HUWE1: variants seen among roughly 807,000 people sequenced by gnomAD.
The protein encoded by HUWE1 is E3 ubiquitin-protein ligase HUWE1.
A neutral mutation model predicts 299.4 loss-of-function variants in HUWE1; 18 were observed. The ratio of observed to expected loss-of-function variants is 0.06; its 90% CI spans 0.04 to 0.09. The LOEUF (loss-of-function observed/expected upper bound fraction) is 0.09. Ranked by LOEUF, HUWE1 falls within the 10% of genes least tolerant of loss-of-function variation. The probability of loss-of-function intolerance (pLI) is 1.00; values close to 1 mark genes in which losing one functional copy is unlikely to be tolerated. For missense variants in HUWE1, 1,832 were observed against 3,462.3 expected, an observed-to-expected ratio of 0.53 and a Z score of 11.82; for synonymous variants, 1,317 against 1,286.1, an observed-to-expected ratio of 1.02 and a Z score of -0.51.
chrX:53,613,368 T>C (rs2065609916), intron 23 of HUWE1, among the ~76,000 whole-genome samples: 1 of 111,684 alleles, frequency 9.0e-6, no homozygotes, highest in Non-Finnish European at 1.9e-5. Context: ...CCACCTTAAA[T>C]TTTAAGTCCC....
chrX:53,535,181 C>T lies in HUWE1; in HGVS notation c.12649+203G>A, dbSNP rs782464701. 1.7e-4 allele frequency among the ~76,000 whole-genome samples: 19 copies of T among 111,405 alleles called. No individual in the cohort carries two copies. The East Asian group carries it at 4.8e-3, about 28-fold the overall frequency. ...AACTCCTCACCTCAACTGATCCGCC[C>T]ACCTTGGCCTCCCAAAGTGCTGGGA... On this transcript the variant is annotated intron_variant, in intron 81 of 83. Coordinates refer to ENST00000262854, the MANE Select transcript of HUWE1 (RefSeq NM_031407.7).
rs782796422 is a variant in HUWE1, at chrX:53,554,745, C to G, written c.8382G>C (p.Gly2794=). The change falls in exon 61 of 84, where the codon GGG becomes GGC. Residue 2794 remains glycine, a synonymous_variant. Coordinates refer to ENST00000262854, the MANE Select transcript of HUWE1 (RefSeq NM_031407.7). ...GCATCAATAGCTGTGTAGAGCTGCCCCCTTCTCCAGCTGGAGACTGCAGCT... is the reference window on the plus strand; with the variant it reads ...GCATCAATAGCTGTGTAGAGCTGCCGCCTTCTCCAGCTGGAGACTGCAGCT... ...PQELQSPAGE[G]GSSTQLLMPV... 1.7e-6 allele frequency: 2 copies of G among 1,208,851 alleles called. No individual in the cohort carries two copies. The highest frequency in any genetic ancestry group is 2.2e-6 in the Non-Finnish European group (2 of 894,291).
rs782575071 is a variant in HUWE1 at position 53,550,736 on chromosome X, C to T, written c.9418G>A (p.Val3140Ile). The change falls in exon 66 of 84, where the codon GTC becomes ATC. Residue 3140 changes from valine (V) to isoleucine (I), a missense_variant. By Grantham distance (29) the Val-to-Ile change is conservative. Coordinates refer to ENST00000262854, the MANE Select transcript of HUWE1 (RefSeq NM_031407.7). ...TGCACAGCAAGGCGAGTATACTGGACCCCACGGTTGCCACTTAAGCGACTG... is the reference window on the plus strand; with the variant it reads ...TGCACAGCAAGGCGAGTATACTGGATCCCACGGTTGCCACTTAAGCGACTG... Reference protein sequence around the residue: ...FTSRLSGNRGVQYTRLAVQRG... With the variant: ...FTSRLSGNRGIQYTRLAVQRG... The T allele has an allele frequency of 1.7e-6, 2 of 1,211,601 alleles. No homozygotes were observed. The highest frequency in any genetic ancestry group is 2.2e-6 in the Non-Finnish European group (2 of 895,398).
chrX:53,665,554 C>G (rs1569513983), intron 3 of HUWE1, among the ~76,000 whole-genome samples: 1 of 111,806 alleles, frequency 8.9e-6, no homozygotes, highest in Non-Finnish European at 1.9e-5. Context: ...TTCAAACAGT[C>G]TGGGGAAGCT....
At position 53,619,290 on chromosome X, in the gene HUWE1, T is replaced by C. The variant is rs187415037; in HGVS notation, c.1673-1844A>G. On this transcript the variant is annotated intron_variant, in intron 19 of 83. Coordinates refer to ENST00000262854, the MANE Select transcript of HUWE1 (RefSeq NM_031407.7). ...CCTATTGGTATGACACTCCCCTCGA[T>C]TGACTTACATTTGTAGAAATGTATG... Among the ~76,000 whole-genome samples the C allele has an allele frequency of 1.2e-4, 13 of 111,410 alleles. No homozygotes were observed. The East Asian group carries it at 1.4e-3, about 12-fold the overall frequency.
At chrX:53,661,280 C>T (rs1402393639) in intron 3 of HUWE1, among the ~76,000 whole-genome samples, 3 of 111,897 alleles carry the variant, frequency 2.7e-5, no homozygotes, top group East Asian at 5.6e-4. Context: ...GTGATCCGCC[C>T]GCCTCGGCTT....
At chrX:53,676,989 C>T (rs1020973453) in intron 3 of HUWE1, among the ~76,000 whole-genome samples, 2 of 110,412 alleles carry the variant, frequency 1.8e-5, no homozygotes, top group African/African-American at 6.6e-5. Context: ...ATGATAGCAT[C>T]AGAACGTCAC....
intron 66 of HUWE1, among the ~76,000 whole-genome samples, chrX:53,550,275 AT>A (rs2061716499): frequency 1.8e-5 from 2 of 111,199 alleles, no homozygotes; most frequent in Admixed American, 9.5e-5. Flanking sequence ...CTCCTTTCAC[AT>A]TTTGGCATGT....
intron 31 of HUWE1, among the ~76,000 whole-genome samples, chrX:53,594,054 G>A (rs2064317165): frequency 9.1e-6 from 1 of 110,418 alleles, no homozygotes; most frequent in African/African-American, 3.3e-5. Context: ...TTGAGTTTGC[G>A]CCACTGCACT....
chrX:53,638,572 T>G (rs1269447453), intron 7 of HUWE1, among the ~76,000 whole-genome samples: 2 of 111,613 alleles, frequency 1.8e-5, no homozygotes, highest in Non-Finnish European at 3.8e-5. Flanking sequence ...TTATAAGAAT[T>G]TGATAAAAGT....
At position 53,547,944 on chromosome X, in the gene HUWE1, T is replaced by C. The variant is rs782299077; in HGVS notation, c.10365A>G (p.Arg3455=). ...GAGCAATTGAGATGAGAGAAAGGAG[T>C]CTGAGGAGTTTCTCAGTTAAGAGAG... is the stretch of plus-strand genomic sequence containing the variant. ...RSSLLTEKLL[R]LLSLISIALP... Residue 3455 remains arginine, a synonymous_variant, in exon 68 of 84, where the codon AGA becomes AGG. Transcript: ENST00000262854. 7 of 1,207,932 alleles carry C rather than the reference T, an allele frequency of 5.8e-6. No individual in the cohort carries two copies. The Admixed American group carries it at 1.5e-4, about 27-fold the overall frequency.
chrX:53,576,572 C>T (rs923363509), intron 44 of HUWE1, among the ~76,000 whole-genome samples: 8 of 111,879 alleles, frequency 7.2e-5, no homozygotes, highest in African/African-American at 2.3e-4. Context: ...ATTCTTCCCC[C>T]GTATGGTGTG....
intron 83 of HUWE1, 134 bp downstream of exon 83, chrX:53,533,873 C>T: frequency 1.6e-6 from 1 of 613,541 alleles, no homozygotes; most frequent in South Asian, 2.4e-5. Flanking sequence ...TCCATAGAAA[C>T]ACCAAATTGT....
chrX:53,613,877 A>G (rs1382588270), intron 23 of HUWE1, among the ~76,000 whole-genome samples: 1 of 112,236 alleles, frequency 8.9e-6, no homozygotes, highest in East Asian at 2.8e-4. Flanking sequence ...GATGTGGAAT[A>G]TCAAATCAAC....
intron 48 of HUWE1, among the ~76,000 whole-genome samples, 178 bp from the exon 49 acceptor site, chrX:53,569,052 T>C (rs781855729): frequency 8.9e-6 from 1 of 112,302 alleles, no homozygotes; most frequent in African/African-American, 3.2e-5. Context: ...TTCTCTTTTT[T>C]AGACAGGGTC....
intron 42 of HUWE1, among the ~76,000 whole-genome samples, chrX:53,583,288 G>A (rs182157246): frequency 2.2e-3 from 238 of 105,788 alleles, no homozygotes; most frequent in African/African-American, 8.1e-3. Flanking sequence ...TTTTGGCTTG[G>A]TTAATGAAAC....
At chrX:53,678,415 T>G (rs1229515120) in intron 3 of HUWE1, among the ~76,000 whole-genome samples, 4 of 111,557 alleles carry the variant, frequency 3.6e-5, no homozygotes, top group Non-Finnish European at 7.5e-5. Flanking sequence ...AACCAGTCGT[T>G]GAGGAAACAA....
In HUWE1 at chrX:53,550,929, G is replaced by A. The variant is rs143862848; in HGVS notation, c.9357C>T (p.Ser3119=). 83 of 1,210,076 alleles carry A rather than the reference G, an allele frequency of 6.9e-5. 1 individual carries two copies. Among genetic ancestry groups the A allele is most frequent in the Admixed American group, 6.1e-4 (28 of 45,804 alleles). Residue 3119 remains serine (S), a synonymous_variant, in exon 65 of 84, where the codon TCC becomes TCT. Transcript: ENST00000262854. ...GGCTTCGGAGAATAGCAGAGAGTGC[G>A]GAGGTGCTACTGTGCCCAAACAGAC... ...HERLFGHSST[S]ALSAILRSPA...
At position 53,548,280 on chromosome X, in the gene HUWE1, G is replaced by A. The variant is rs2061627108; in HGVS notation, c.10036-7C>T. 1 of 1,206,914 alleles carries A rather than the reference G, an allele frequency of 8.3e-7. No individual in the cohort carries two copies. The highest frequency in any genetic ancestry group is 1.1e-6 in the Non-Finnish European group (1 of 892,638). On this transcript the variant is annotated splice_region_variant and splice_polypyrimidine_tract_variant and intron_variant, in intron 67 of 83. Coordinates refer to ENST00000262854, the MANE Select transcript of HUWE1 (RefSeq NM_031407.7). ...TGAAGTGGCTGGGAAATACCTGCCG[G>A]GAAAAGGAGGACAAGGCTTGGTCTA... is the stretch of plus-strand genomic sequence containing the variant.
Sources: gnomAD v4.1 joint callset for allele counts (sites outside exome capture counted in the v4.1 genomes callset) on GRCh38, gnomAD v4.1.1 for gene constraint, MANE v1.5 for transcripts, NCBI Gene and HGNC (gene_info 2026-07-23, HGNC 2026-07-21) for gene names.